PDZD2: variants seen among roughly 807,000 people sequenced by gnomAD.
PDZD2 encodes PDZ domain containing 2.
In PDZD2, 90 loss-of-function variants were observed where a neutral mutation model predicts 220.7. The observed-to-expected ratio is 0.41, with a 90% CI of 0.34 to 0.49. PDZD2 has a LOEUF of 0.49. PDZD2 is among the 20% of genes least tolerant of loss of function. The pLI, the probability that PDZD2 is intolerant of heterozygous loss-of-function variation, is 0.28. For synonymous variants in PDZD2, 1,375 were observed against 1,450.5 expected, an observed-to-expected ratio of 0.95 and a Z score of 1.18; for missense variants, 3,174 against 3,608.5, an observed-to-expected ratio of 0.88 and a Z score of 3.08.
intron 1 of PDZD2, among the ~76,000 whole-genome samples, chr5:31,743,177 C>CTT (rs753388178): frequency 2.1e-5 from 3 of 142,900 alleles, no homozygotes; most frequent in African/African-American, 5.1e-5. Flanking sequence ...ATTCTTTTTT[C>CTT]TTTTTTTTTT....
At chr5:31,701,846 G>A (rs1484162525) in intron 1 of PDZD2, among the ~76,000 whole-genome samples, 2 of 152,196 alleles carry the variant, frequency 1.3e-5, no homozygotes, top group Non-Finnish European at 2.9e-5. Context: ...TTAGCAAGCT[G>A]GGGAGCCCAG....
chr5:31,920,818 G>C (rs1744187950), intron 2 of PDZD2, among the ~76,000 whole-genome samples: 1 of 151,956 alleles, frequency 6.6e-6, no homozygotes. Context: ...TCTTCTTACT[G>C]TCTCCATAAT....
chr5:32,087,282 C>T lies in PDZD2; in HGVS notation c.3834C>T (p.Ala1278=), dbSNP rs1233018184. 6.2e-7 allele frequency: 1 copy of T among 1,614,188 alleles called. No individual in the cohort carries two copies. Among genetic ancestry groups the T allele is most frequent in the Non-Finnish European group, 8.5e-7 (1 of 1,180,016 alleles). Residue 1278 remains alanine, a synonymous_variant, in exon 20 of 25, where the codon GCC becomes GCT. Transcript: ENST00000438447. This position sits in a 1 kb window ranked among gnomAD's most constrained non-coding sequence, Gnocchi z 4.0. The part of the protein sequence containing the change: ...PASPRVTKCK[A]RSPVRLPHEG... ...CGCCCAGGGTCACCAAGTGCAAGGC[C>T]AGGTCTCCAGTCAGGCTCCCCCATG...
chr5:31,901,309 C>A (rs985688221), intron 2 of PDZD2, among the ~76,000 whole-genome samples: 5 of 151,726 alleles, frequency 3.3e-5, no homozygotes, highest in Admixed American at 2.6e-4. Context: ...TCCCACCTAC[C>A]CAGGAGGCTG....
intron 2 of PDZD2, among the ~76,000 whole-genome samples, chr5:31,903,625 TAA>T (rs1554092466): frequency 1.2e-5 from 1 of 82,104 alleles, no homozygotes; most frequent in Non-Finnish European, 2.3e-5. Flanking sequence ...GCCTGTGCAA[TAA>T]GAGTGAGACC....
rs1745197522 is a variant in PDZD2 at position 32,109,768 on chromosome 5, T to G, written c.*1633T>G. ...GGGTCTATGGCTGTGACCCCCAGATTCATGGAGGGGCTTTAGCCATCAGCT... is the reference window on the plus strand; with the variant it reads ...GGGTCTATGGCTGTGACCCCCAGATGCATGGAGGGGCTTTAGCCATCAGCT... On this transcript the variant is annotated 3_prime_UTR_variant, in exon 25 of 25. Coordinates refer to ENST00000438447, the MANE Select transcript of PDZD2 (RefSeq NM_178140.4). 6.6e-6 allele frequency: 1 copy of G among 152,470 alleles called. No homozygotes were observed. The highest frequency in any genetic ancestry group is 1.5e-5 in the Non-Finnish European group (1 of 68,042). The allele number at this position is 152,470 out of a possible 1,614,324, so 9.4% of individuals were successfully genotyped here.
chr5:31,947,763 G>A (rs1746775803), intron 2 of PDZD2, among the ~76,000 whole-genome samples: 1 of 152,156 alleles, frequency 6.6e-6, no homozygotes, highest in African/African-American at 2.4e-5. Flanking sequence ...GTTGCAGTGA[G>A]CCAAGTTGGC....
chr5:31,913,051 T>C (rs1465154790), intron 2 of PDZD2, among the ~76,000 whole-genome samples: 1 of 152,176 alleles, frequency 6.6e-6, no homozygotes, highest in Non-Finnish European at 1.5e-5. Context: ...TAAAGGAGAC[T>C]TGAAGAAAAT....
intron 2 of PDZD2, among the ~76,000 whole-genome samples, chr5:31,903,644 C>CAAAAAAAAAAAAA (rs59822169): frequency 1.0e-5 from 1 of 99,730 alleles, no homozygotes; most frequent in African/African-American, 3.7e-5. Context: ...GACCCTGTCT[C>CAAAAAAAAAAAAA]AAAAAAAAAA....
chr5:31,916,326 T>A (rs114419527), intron 2 of PDZD2, among the ~76,000 whole-genome samples: 2 of 152,204 alleles, frequency 1.3e-5, no homozygotes, highest in African/African-American at 4.8e-5. Context: ...CCTACTTCAG[T>A]TGCATTGCGT....
intron 2 of PDZD2, among the ~76,000 whole-genome samples, chr5:31,965,553 C>T (rs912969504): frequency 6.6e-6 from 1 of 152,166 alleles, no homozygotes; most frequent in Non-Finnish European, 1.5e-5. Context: ...GTTACCGGCT[C>T]TAAGAGCTAG....
intron 2 of PDZD2, among the ~76,000 whole-genome samples, chr5:31,869,479 CCG>C (rs1738559186): frequency 7.0e-6 from 1 of 143,448 alleles, no homozygotes; most frequent in South Asian, 2.1e-4. Context: ...AGGAGAATGG[CCG>C]TGAACCTGGG....
chr5:31,889,293 T>G (rs1022645162), intron 2 of PDZD2, among the ~76,000 whole-genome samples: 1 of 152,182 alleles, frequency 6.6e-6, no homozygotes, highest in Non-Finnish European at 1.5e-5. Flanking sequence ...CCTGGACAGA[T>G]GAGGAACAGA....
At chr5:31,782,771 T>C (rs10070549) in intron 1 of PDZD2, among the ~76,000 whole-genome samples, 2,763 of 139,732 alleles carry the variant, frequency 0.02, 77 homozygotes, top group African/African-American at 0.067. Flanking sequence ...TGGAGTGAAG[T>C]GGCACGATCT....
intron 1 of PDZD2, among the ~76,000 whole-genome samples, chr5:31,751,906 C>T (rs1446960971): frequency 6.6e-6 from 1 of 151,934 alleles, no homozygotes; most frequent in Non-Finnish European, 1.5e-5. Context: ...GTTCAACTGC[C>T]TAACTCCTCC....
At position 31,961,867 on chromosome 5, in the gene PDZD2, T is replaced by C. The variant is rs559366477; in HGVS notation, c.477-21288T>C. Among the ~76,000 whole-genome samples the C allele has an allele frequency of 3.3e-5, 5 of 152,314 alleles. No homozygotes were observed. The South Asian group carries it at 1.0e-3, about 32-fold the overall frequency. ...CTATGTTGGCTAGGCTGCGCCCACC[T>C]TGGCCTCCCAGATTCTGGGATTACA... On this transcript the variant is annotated intron_variant, in intron 2 of 24. Transcript: ENST00000438447.
At chr5:31,824,995 G>A (rs572916428) in intron 2 of PDZD2, among the ~76,000 whole-genome samples, 75 of 152,246 alleles carry the variant, frequency 4.9e-4, no homozygotes, top group African/African-American at 1.7e-3. Flanking sequence ...CCTTCCTGCA[G>A]TTCCATATGT....
intron 2 of PDZD2, among the ~76,000 whole-genome samples, chr5:31,970,869 C>A (rs1749237229): frequency 6.6e-6 from 1 of 152,176 alleles, no homozygotes; most frequent in African/African-American, 2.4e-5. Flanking sequence ...TCACCATCAA[C>A]ATGCTGACAC....
rs528356083 is a variant in PDZD2, at chr5:31,941,591, T to C, written c.477-41564T>C. Among the ~76,000 whole-genome samples the C allele has an allele frequency of 2.0e-5, 3 of 152,270 alleles. No homozygotes were observed. In the South Asian group the frequency reaches 6.2e-4, roughly 32 times the overall value. On this transcript the variant is annotated intron_variant, in intron 2 of 24. Transcript: ENST00000438447. ...TTTATCCCTCAAGTGAGTCAAGGAA[T>C]GTTAGAATGAAATGCTGAAGCTGTG...
Sources: gnomAD v4.1 joint callset for allele counts (sites outside exome capture counted in the v4.1 genomes callset) on GRCh38, gnomAD v4.1.1 for gene constraint, Gnocchi (gnomAD v3.1) non-coding constraint, MANE v1.5 for transcripts, NCBI Gene and HGNC (gene_info 2026-07-23, HGNC 2026-07-21) for gene names.